EFNA5: variants seen among roughly 807,000 people sequenced by gnomAD.
EFNA5 encodes the protein ephrin A5, also known as ephrin-A5.
EFNA5 carries 5 observed loss-of-function variants against 22.9 expected under a neutral mutation model. That is an observed-to-expected ratio of 0.22 (90% CI 0.11 to 0.46). EFNA5 has a LOEUF of 0.46. EFNA5 is among the 20% of genes least tolerant of loss of function. The pLI, the probability that EFNA5 is intolerant of heterozygous loss-of-function variation, is 0.99. For synonymous variants in EFNA5, 113 were observed against 112.2 expected (o/e 1.01, Z -0.04); for missense variants, 237 against 293.3 (o/e 0.81, Z 1.40).
At position 107,626,531 on chromosome 5, in the gene EFNA5, T is replaced by C. The variant is rs968089364; in HGVS notation, c.125+43958A>G. Among the ~76,000 whole-genome samples, 3 of 152,038 alleles carry C rather than the reference T, an allele frequency of 2.0e-5. No homozygotes were observed. The East Asian group carries it at 5.8e-4, about 29-fold the overall frequency. On this transcript the variant is annotated intron_variant, in intron 1 of 4. Coordinates refer to ENST00000333274, the MANE Select transcript of EFNA5 (RefSeq NM_001962.3). ...CCTGGCCTCCAGCAATCCTCCCACC[T>C]CACCTCCCAAAGCCCTGGGACTGCA...
intron 1 of EFNA5, among the ~76,000 whole-genome samples, chr5:107,492,726 C>T (rs1036120198): frequency 2.0e-5 from 3 of 152,250 alleles, no homozygotes; most frequent in East Asian, 3.9e-4. Context: ...TGGCCGAGCA[C>T]GGTGGATCAT....
chr5:107,432,402 A>T (rs154647), intron 1 of EFNA5, among the ~76,000 whole-genome samples: 1 of 152,044 alleles, frequency 6.6e-6, no homozygotes, highest in Non-Finnish European at 1.5e-5. Context: ...CATATTTGTA[A>T]ATTTCTTGGA....
chr5:107,388,304 A>C (rs1283448985), intron 2 of EFNA5, among the ~76,000 whole-genome samples: 2 of 152,188 alleles, frequency 1.3e-5, no homozygotes, highest in Non-Finnish European at 1.5e-5. Flanking sequence ...TTTGCAGGTA[A>C]TTCAATTAGA....
intron 4 of EFNA5, among the ~76,000 whole-genome samples, chr5:107,385,177 G>C (rs189838121): frequency 6.6e-6 from 1 of 151,880 alleles, no homozygotes; most frequent in Non-Finnish European, 1.5e-5. Flanking sequence ...TAAATGCTTA[G>C]TGAAAAAAAA....
chr5:107,578,954 C>T (rs755966), intron 1 of EFNA5, among the ~76,000 whole-genome samples: 19,577 of 152,118 alleles, frequency 0.13, 1,340 homozygotes, highest in Non-Finnish European at 0.15. Flanking sequence ...TACACCAACA[C>T]AGTCATAAGA....
chr5:107,537,383 G>C (rs748652810), intron 1 of EFNA5, among the ~76,000 whole-genome samples: 1 of 151,506 alleles, frequency 6.6e-6, no homozygotes, highest in Non-Finnish European at 1.5e-5. Context: ...GGCAGATCAC[G>C]AGGTCAGGAG....
At chr5:107,453,815 GC>G (rs1749621694) in intron 1 of EFNA5, among the ~76,000 whole-genome samples, 1 of 152,140 alleles carries the variant, frequency 6.6e-6, no homozygotes, top group Admixed American at 6.6e-5. Flanking sequence ...GCCATCTGAT[GC>G]TAAGGGCCAC....
At chr5:107,422,833 G>C (rs1411172343) in intron 2 of EFNA5, among the ~76,000 whole-genome samples, 2 of 152,146 alleles carry the variant, frequency 1.3e-5, no homozygotes, top group Non-Finnish European at 2.9e-5. Flanking sequence ...TGCCATGAGT[G>C]GGGAAAACAG....
At chr5:107,413,743 A>G (rs528124087) in intron 2 of EFNA5, among the ~76,000 whole-genome samples, 23 of 152,266 alleles carry the variant, frequency 1.5e-4, no homozygotes, top group Middle Eastern at 3.4e-3. Flanking sequence ...AAAGGGTTCT[A>G]TGGTTTTTGT....
intron 1 of EFNA5, among the ~76,000 whole-genome samples, chr5:107,464,201 C>A (rs1007796909): frequency 3.3e-5 from 5 of 152,094 alleles, no homozygotes; most frequent in African/African-American, 7.2e-5. Context: ...AGCCCCGGGA[C>A]CAGCAGCACT....
chr5:107,420,277 C>T (rs893358577), intron 2 of EFNA5, among the ~76,000 whole-genome samples: 2 of 151,992 alleles, frequency 1.3e-5, no homozygotes, highest in Non-Finnish European at 1.5e-5. Context: ...CTTAACTTTT[C>T]AAAAAATGCA....
chr5:107,591,689 C>T (rs1284956883), intron 1 of EFNA5, among the ~76,000 whole-genome samples: 17 of 147,102 alleles, frequency 1.2e-4, no homozygotes, highest in African/African-American at 3.8e-4. Flanking sequence ...GATTTGGTGG[C>T]GGGCCCCTGT....
chr5:107,625,783 T>C (rs1750129269), intron 1 of EFNA5, among the ~76,000 whole-genome samples: 1 of 152,222 alleles, frequency 6.6e-6, no homozygotes, highest in Admixed American at 6.5e-5. Flanking sequence ...TCTCCTCAGC[T>C]ACCCCTAAAT....
chr5:107,582,568 TG>T (rs1219310827), intron 1 of EFNA5, among the ~76,000 whole-genome samples: 1 of 152,182 alleles, frequency 6.6e-6, no homozygotes, highest in Non-Finnish European at 1.5e-5. Flanking sequence ...CACTGAATTC[TG>T]CTACAGGCCC....
intron 1 of EFNA5, among the ~76,000 whole-genome samples, chr5:107,485,704 A>G (rs1247984732): frequency 6.6e-6 from 1 of 152,188 alleles, no homozygotes; most frequent in Non-Finnish European, 1.5e-5. Context: ...ACTTATTTTA[A>G]AAGTCAGGCT....
At chr5:107,562,410 T>C (rs1748568871) in intron 1 of EFNA5, among the ~76,000 whole-genome samples, 1 of 152,122 alleles carries the variant, frequency 6.6e-6, no homozygotes, top group South Asian at 2.1e-4. Context: ...AGCTTATATT[T>C]TTTCTAAATC....
In EFNA5 at chr5:107,668,339, G is replaced by A. The variant is rs1751117042; in HGVS notation, c.125+2150C>T. 2.0e-5 allele frequency among the ~76,000 whole-genome samples: 3 copies of A among 152,156 alleles called. 1 individual carries two copies. In the South Asian group the frequency reaches 6.2e-4, roughly 31 times the overall value. The stretch of plus-strand genomic sequence containing the variant: ...ATCCTGAGCAGAAGAGTTTTCTGCA[G>A]GCAGGGCAGATCTATTAAAAAACAT... On this transcript the variant is annotated intron_variant, in intron 1 of 4. Transcript: ENST00000333274.
rs1319744144 is a variant in EFNA5 at position 107,592,011 on chromosome 5, ATATAATATAATATAT to A, written c.125+78463_125+78477del. On this transcript the variant is annotated intron_variant, in intron 1 of 4. Transcript: ENST00000333274. ...ATATAATATATATAATATATAATAT[ATATAATATAATATAT>A]ATTATATATTATATATATTATACAT... Among the ~76,000 whole-genome samples the A allele has an allele frequency of 3.3e-4, 18 of 55,000 alleles. 1 individual carries two copies. The highest frequency in any genetic ancestry group is 1.2e-3 in the Admixed American group (4 of 3,394). The allele number at this position is 55,000 out of a possible 152,430, so 36.1% of individuals were successfully genotyped here.
intron 2 of EFNA5, among the ~76,000 whole-genome samples, chr5:107,404,554 C>T (rs1748161179): frequency 6.6e-6 from 1 of 152,122 alleles, no homozygotes; most frequent in South Asian, 2.1e-4. Flanking sequence ...ATCCTCAGCA[C>T]ATTTCTTCGA....
Sources: allele counts gnomAD v4.1 joint callset (sites outside exome capture counted in the v4.1 genomes callset), GRCh38; gene constraint gnomAD v4.1.1; transcripts MANE v1.5; gene names NCBI Gene and HGNC (gene_info 2026-07-23, HGNC 2026-07-21).